Variants in HRH1 observed in about 807,000 individuals in gnomAD.
HRH1 encodes the protein histamine receptor H1.
HRH1 carries 6 observed loss-of-function variants against 10.3 expected under a neutral mutation model. That is an observed-to-expected ratio of 0.58 (90% confidence interval 0.32 to 1.15). The LOEUF is 1.15. HRH1 is among the 50% of genes most tolerant of loss of function. HRH1 has a pLI of 0.05. For missense variants in HRH1, 514 were observed against 615.3 expected (o/e 0.84, Z 1.74); for synonymous variants, 242 against 236.7 (o/e 1.02, Z -0.21).
In HRH1 at chr3:11,261,366, GC is replaced by G. The variant is rs1939953018; in HGVS notation, c.*869del. Reference sequence around the variant, plus strand: ...GCTGTACTAGGTTTATCTCATTTAAGCCCCACAACACCCCACAGGAGGGTAA... The same window carrying G: ...GCTGTACTAGGTTTATCTCATTTAAGCCCACAACACCCCACAGGAGGGTAA... On this transcript the variant is annotated 3_prime_UTR_variant, in exon 2 of 2. Transcript: ENST00000431010. 1 of 167,072 alleles carries G rather than the reference GC, an allele frequency of 6.0e-6. No individual in the cohort carries two copies. Among genetic ancestry groups the G allele is most frequent in the Non-Finnish European group, 1.5e-5 (1 of 68,122 alleles). 10.3% of individuals were successfully genotyped at this position (167,072 alleles called of 1,614,324 possible). A position where few individuals can be genotyped will look rare whatever the true frequency, so the allele number is the denominator to read the frequency against.
intron 1 of HRH1, among the ~76,000 whole-genome samples, chr3:11,247,483 G>A (rs73812408): frequency 0.17 from 26,148 of 151,942 alleles, 2,761 homozygotes; most frequent in South Asian, 0.33. Flanking sequence ...AAGCTAATTC[G>A]ATTGGCTAAG....
intron 1 of HRH1, among the ~76,000 whole-genome samples, chr3:11,166,103 A>G (rs1574983714): frequency 6.6e-6 from 1 of 152,140 alleles, no homozygotes; most frequent in Non-Finnish European, 1.5e-5. Flanking sequence ...CCCCAGACAC[A>G]TCTTGTGTAT....
chr3:11,219,751 T>A (rs987257105), intron 1 of HRH1, among the ~76,000 whole-genome samples: 4 of 150,650 alleles, frequency 2.7e-5, no homozygotes, highest in African/African-American at 9.8e-5. Context: ...AAAATTTAAT[T>A]TAATGTGTAA....
chr3:11,254,465 C>T (rs945150372), intron 1 of HRH1, among the ~76,000 whole-genome samples: 4 of 152,226 alleles, frequency 2.6e-5, no homozygotes, highest in Admixed American at 1.3e-4. Flanking sequence ...TCCAGGATGT[C>T]CTGACCACCA....
chr3:11,139,980 T>C (rs1042342052), intron 1 of HRH1, among the ~76,000 whole-genome samples: 2 of 152,194 alleles, frequency 1.3e-5, no homozygotes, highest in Non-Finnish European at 2.9e-5. Context: ...TTCTATGTTA[T>C]GTGAATTTTA....
At chr3:11,244,238 T>C (rs540123386) in intron 1 of HRH1, among the ~76,000 whole-genome samples, 1 of 152,344 alleles carries the variant, frequency 6.6e-6, no homozygotes, top group East Asian at 1.9e-4. Context: ...CAAAGAAAAG[T>C]ACACACCTTT....
Position 11,202,404 on chromosome 3 carries a change from C to CAATA in HRH1, c.-36+47880_-36+47883dup, listed in dbSNP as rs60116753. Among the ~76,000 whole-genome samples, 275 of 140,618 alleles carry CAATA rather than the reference C, an allele frequency of 2.0e-3. 4 individuals carry two copies. Among genetic ancestry groups the CAATA allele is most frequent in the African/African-American group, 4.5e-3 (168 of 37,254 alleles). The allele number at this position is 140,618 out of a possible 152,430, so 92.3% of individuals were successfully genotyped here. A position where few individuals can be genotyped will look rare whatever the true frequency, so the allele number is the denominator to read the frequency against. On this transcript the variant is annotated intron_variant, in intron 1 of 1. Transcript: ENST00000431010. ...TGGGTGACAGAGCAAGACTCCATCT[C>CAATA]AATAAATAAATAAATAAATAAATAA...
rs1240299259 is a variant in HRH1 at position 11,260,238 on chromosome 3, T to C, written c.1201T>C (p.Tyr401His). The change falls in exon 2 of 2, where the codon TAT becomes CAT. Residue 401 changes from tyrosine (Y) to histidine (H), a missense_variant. By Grantham distance (83) the Tyr-to-His change is moderately conservative. Transcript: ENST00000431010. ...GAGGCTCCGCTCGCATTCAAGACAG[T>C]ATGTATCTGGGTTGCACATGAACCG... ...WKRLRSHSRQYVSGLHMNRER... is the reference protein window; with the variant it reads ...WKRLRSHSRQHVSGLHMNRER... 6.2e-7 allele frequency: 1 copy of C among 1,614,160 alleles called. No individual in the cohort carries two copies. Among genetic ancestry groups the C allele is most frequent in the Non-Finnish European group, 8.5e-7 (1 of 1,180,042 alleles).
rs1283085321 is a variant in HRH1, at chr3:11,259,409, T to C, written c.372T>C (p.Asp124=). The change falls in exon 2 of 2, where the codon GAT becomes GAC. Residue 124 remains aspartate, a synonymous_variant. Coordinates refer to ENST00000431010, the MANE Select transcript of HRH1 (RefSeq NM_001098212.2). This position sits in a 1 kb window ranked among gnomAD's most constrained non-coding sequence, Gnocchi z 4.6. ...SIFSVFILCI[D]RYRSVQQPLR... ...TCAGTGTCTTCATCCTGTGCATTGA[T>C]CGCTACCGCTCTGTCCAGCAGCCCC... 1 of 1,613,782 alleles carries C rather than the reference T, an allele frequency of 6.2e-7. No homozygotes were observed. The highest frequency in any genetic ancestry group is 8.5e-7 in the Non-Finnish European group (1 of 1,179,918).
At chr3:11,217,334 A>T (rs1159397045) in intron 1 of HRH1, among the ~76,000 whole-genome samples, 1 of 152,122 alleles carries the variant, frequency 6.6e-6, no homozygotes, top group Non-Finnish European at 1.5e-5. Context: ...GTTCAAGACC[A>T]GCCTGGCCAA....
intron 1 of HRH1, among the ~76,000 whole-genome samples, chr3:11,183,855 CTTT>C (rs60566877): frequency 2.2e-5 from 2 of 91,942 alleles, no homozygotes; most frequent in African/African-American, 4.5e-5. Context: ...GGAAAGCTTG[CTTT>C]TTTTTTTTTT....
rs559302814 is a variant in HRH1, at chr3:11,248,166, C to T, written c.-35-10837C>T. On this transcript the variant is annotated intron_variant, in intron 1 of 1. Transcript: ENST00000431010. The stretch of plus-strand genomic sequence containing the variant: ...ACTCCGCCTTTTTCAGCTAATATCA[C>T]GTCAAGGGCTATTCTGTTTTTCCCA... Among the ~76,000 whole-genome samples, 7 of 152,312 alleles carry T rather than the reference C, an allele frequency of 4.6e-5. No individual in the cohort carries two copies. The East Asian group carries it at 9.6e-4, about 21-fold the overall frequency.
chr3:11,140,385 C>G (rs1936270277), intron 1 of HRH1, among the ~76,000 whole-genome samples: 1 of 152,136 alleles, frequency 6.6e-6, no homozygotes, highest in Non-Finnish European at 1.5e-5. Flanking sequence ...ACCAAGACCT[C>G]TCATTCTGCA....
chr3:11,141,402 C>A (rs558707850), intron 1 of HRH1, among the ~76,000 whole-genome samples: 1 of 152,256 alleles, frequency 6.6e-6, no homozygotes, highest in South Asian at 2.1e-4. Context: ...AATTTATTGT[C>A]TTTTATAATT....
At chr3:11,182,946 C>T (rs1039941814) in intron 1 of HRH1, among the ~76,000 whole-genome samples, 4 of 152,176 alleles carry the variant, frequency 2.6e-5, no homozygotes. Context: ...CCTGGGACCC[C>T]TATAAAGCAC....
chr3:11,234,969 A>T (rs1286821191), intron 1 of HRH1, among the ~76,000 whole-genome samples: 1 of 152,140 alleles, frequency 6.6e-6, no homozygotes. Context: ...TAATCCCAGC[A>T]CTTTGGGAGG....
chr3:11,168,286 GGGCACTGCCGGCCACTA>G (rs2125011610), intron 1 of HRH1, among the ~76,000 whole-genome samples: 1 of 152,298 alleles, frequency 6.6e-6, no homozygotes, highest in Non-Finnish European at 1.5e-5. Context: ...CAGACATGGA[GGGCACTGCCGGCCACTA>G]GGAGGACTCG....
At chr3:11,207,525 T>C (rs982376592) in intron 1 of HRH1, among the ~76,000 whole-genome samples, 4 of 152,012 alleles carry the variant, frequency 2.6e-5, no homozygotes, top group South Asian at 2.1e-4. Context: ...GCCGAGATCA[T>C]GCCACTGCAC....
At chr3:11,221,929 T>C (rs1436375495) in intron 1 of HRH1, among the ~76,000 whole-genome samples, 1 of 152,234 alleles carries the variant, frequency 6.6e-6, no homozygotes, top group Non-Finnish European at 1.5e-5. Flanking sequence ...CAGATGCCCT[T>C]CCTTTTTTAA....
Sources: gnomAD v4.1 joint callset for allele counts (sites outside exome capture counted in the v4.1 genomes callset) on GRCh38, gnomAD v4.1.1 for gene constraint, Gnocchi (gnomAD v3.1) non-coding constraint, MANE v1.5 for transcripts, NCBI Gene and HGNC (gene_info 2026-07-23, HGNC 2026-07-21) for gene names.